Variants in C18orf54 observed in about 807,000 individuals in gnomAD.
The protein encoded by C18orf54 is lung adenoma susceptibility protein 2.
A neutral mutation model predicts 49.3 loss-of-function variants in C18orf54; 49 were observed. The observed-to-expected ratio is 0.99, with a 90% CI of 0.79 to 1.26. The LOEUF is 1.26. Among genes scored for constraint, C18orf54 ranks in the 50% most tolerant of loss-of-function variants. The pLI, the probability that C18orf54 is intolerant of heterozygous loss-of-function variation, is 0.00. For synonymous variants in C18orf54, 211 were observed against 216.6 expected (o/e 0.97, Z 0.23); for missense variants, 687 against 620.6 (o/e 1.11, Z -1.14).
intron 8 of C18orf54, among the ~76,000 whole-genome samples, chr18:54,375,264 G>C (rs2144753583): frequency 6.6e-6 from 1 of 151,856 alleles, no homozygotes; most frequent in Middle Eastern, 3.4e-3. Flanking sequence ...ACAACCTTAT[G>C]AAGTAAGTAC....
intron 8 of C18orf54, among the ~76,000 whole-genome samples, chr18:54,376,120 C>T (rs2089566250): frequency 6.6e-6 from 1 of 152,122 alleles, no homozygotes; most frequent in Non-Finnish European, 1.5e-5. Flanking sequence ...ATTGGCCTTT[C>T]CTAAGGTAAA....
intron 6 of C18orf54, 51 bp downstream of exon 6, chr18:54,365,872 T>C (rs1435948992): frequency 6.6e-6 from 7 of 1,053,148 alleles, no homozygotes; most frequent in African/African-American, 6.5e-5. Context: ...ATGAATAATA[T>C]GTAGATACTA....
At chr18:54,375,887 AAG>A (rs1431163639) in intron 8 of C18orf54, among the ~76,000 whole-genome samples, 1 of 67,570 alleles carries the variant, frequency 1.5e-5, no homozygotes, top group Non-Finnish European at 2.8e-5. Context: ...TACTGTAATG[AAG>A]TAAGCTTAGA....
At chr18:54,369,065 A>G (rs908623921) in intron 6 of C18orf54, among the ~76,000 whole-genome samples, 5 of 152,140 alleles carry the variant, frequency 3.3e-5, no homozygotes, top group Non-Finnish European at 7.4e-5. Context: ...GGATCTAGGC[A>G]TTAGTTGTGC....
chr18:54,373,369 G>A (rs1040475683), intron 7 of C18orf54, among the ~76,000 whole-genome samples: 23 of 151,744 alleles, frequency 1.5e-4, no homozygotes, highest in African/African-American at 4.3e-4. Context: ...AATGGCTAAG[G>A]GAGCTAATTA....
At chr18:54,370,448 CT>C (rs2089466413) in intron 6 of C18orf54, among the ~76,000 whole-genome samples, 1 of 152,122 alleles carries the variant, frequency 6.6e-6, no homozygotes, top group South Asian at 2.1e-4. Flanking sequence ...CTTCCTTGAA[CT>C]TTTATATTCA....
chr18:54,365,739 A>C lies in C18orf54; in HGVS notation c.1244A>C (p.Asn415Thr), dbSNP rs2089367933. 6.3e-7 allele frequency: 1 copy of C among 1,595,972 alleles called. No individual in the cohort carries two copies. The highest frequency in any genetic ancestry group is 8.6e-7 in the Non-Finnish European group (1 of 1,167,994). ...TTTAGCAAATCTCCTGTTCCCGTTA[A>C]CTCTGATGATAGTCCTCAACAAACT... ...PVTFKSPVPV[N>T]SDDSPQQTSR... The change falls in exon 6 of 9, where the codon AAC becomes ACC. Residue 415 changes from asparagine (N) to threonine (T), a missense_variant. By Grantham distance (65) the Asn-to-Thr change is moderately conservative. Coordinates refer to ENST00000620105, the MANE Select transcript of C18orf54 (RefSeq NM_001288980.2).
intron 2 of C18orf54, 59 bp from the exon 3 acceptor site, chr18:54,360,468 T>C (rs1356308562): frequency 3.6e-6 from 4 of 1,100,856 alleles, no homozygotes; most frequent in Non-Finnish European, 5.2e-6. Flanking sequence ...TATTTAGTAA[T>C]TTTGTTTGTG....
rs2089642243 is a variant in C18orf54 at position 54,380,144 on chromosome 18, A to G, written c.*1898A>G. 1 of 152,076 alleles carries G rather than the reference A, an allele frequency of 6.6e-6. No individual in the cohort carries two copies. The highest frequency in any genetic ancestry group is 2.4e-5 in the African/African-American group (1 of 41,458). The allele number at this position is 152,076 out of a possible 1,614,324, so 9.4% of individuals were successfully genotyped here. On this transcript the variant is annotated 3_prime_UTR_variant, in exon 9 of 9. Coordinates refer to ENST00000620105, the MANE Select transcript of C18orf54 (RefSeq NM_001288980.2). ...TATCTAGGAGAGTCAAGTAAGAAAA[A>G]TAACGAATCTAAGTGATAAACATTC...
intron 5 of C18orf54, among the ~76,000 whole-genome samples, 172 bp from the exon 6 acceptor site, chr18:54,365,547 G>A (rs1382590164): frequency 6.6e-6 from 1 of 151,894 alleles, no homozygotes; most frequent in Admixed American, 6.6e-5. Flanking sequence ...TCTGGTATCA[G>A]TTTAGGGAGA....
chr18:54,363,008 A>G (rs975886972), intron 5 of C18orf54, 87 bp downstream of exon 5: 3 of 1,270,024 alleles, frequency 2.4e-6, no homozygotes, highest in African/African-American at 1.5e-5. Flanking sequence ...ACGAACGGTA[A>G]TTAATAATAT....
At chr18:54,377,730 A>T (rs1370007872) in intron 8 of C18orf54, among the ~76,000 whole-genome samples, 1 of 152,220 alleles carries the variant, frequency 6.6e-6, no homozygotes, top group Admixed American at 6.5e-5. Context: ...AATGCTATTT[A>T]AAAAATAGCT....
chr18:54,364,147 A>ACT (rs1568184143), intron 5 of C18orf54, among the ~76,000 whole-genome samples: 1 of 11,494 alleles, frequency 8.7e-5, no homozygotes, highest in Non-Finnish European at 1.3e-4. Flanking sequence ...ATATATACAT[A>ACT]TTTTTTTTAA....
intron 6 of C18orf54, among the ~76,000 whole-genome samples, chr18:54,368,002 G>A (rs571817278): frequency 9.2e-5 from 14 of 151,680 alleles, no homozygotes; most frequent in South Asian, 6.3e-4. Context: ...TCCATTCATC[G>A]AATTCTTCAC....
chr18:54,363,686 A>G (rs1032150405), intron 5 of C18orf54, among the ~76,000 whole-genome samples: 2 of 152,188 alleles, frequency 1.3e-5, no homozygotes, highest in East Asian at 3.8e-4. Flanking sequence ...AAATGATGGT[A>G]CATTTTCTAT....
intron 6 of C18orf54, among the ~76,000 whole-genome samples, chr18:54,370,216 G>T (rs2089461808): frequency 6.6e-6 from 1 of 150,564 alleles, no homozygotes; most frequent in African/African-American, 2.4e-5. Flanking sequence ...GGCGGAGCTT[G>T]CAGTGAGCCA....
chr18:54,358,601 C>A (rs547082457), intron 1 of C18orf54, 173 bp from the exon 2 acceptor site: 1 of 152,328 alleles, frequency 6.6e-6, no homozygotes, highest in East Asian at 1.9e-4. Context: ...CTGCTGGAGA[C>A]GGGCGACCTT....
At chr18:54,366,979 C>T (rs1008122370) in intron 6 of C18orf54, among the ~76,000 whole-genome samples, 1 of 152,088 alleles carries the variant, frequency 6.6e-6, no homozygotes, top group Non-Finnish European at 1.5e-5. Context: ...TAAAGCTACT[C>T]CTACTTCCTT....
intron 6 of C18orf54, among the ~76,000 whole-genome samples, chr18:54,366,698 A>G (rs1419244520): frequency 6.6e-6 from 1 of 151,866 alleles, no homozygotes; most frequent in Non-Finnish European, 1.5e-5. Flanking sequence ...TCTATTATAT[A>G]TTTAATTTTT....
Sources: allele counts gnomAD v4.1 joint callset (sites outside exome capture counted in the v4.1 genomes callset), GRCh38; gene constraint gnomAD v4.1.1; transcripts MANE v1.5; gene names NCBI Gene and HGNC (gene_info 2026-07-23, HGNC 2026-07-21).